The following ZFHX4 variants were observed in gnomAD, a reference collection of about 807,000 sequenced individuals.
ZFHX4 encodes the protein zinc finger homeobox 4.
Under a neutral mutation model 267.6 loss-of-function variants are expected in ZFHX4, and 56 were observed. The observed-to-expected ratio is 0.21, with a 90% confidence interval of 0.17 to 0.26. The LOEUF is 0.26. Ranked by LOEUF, ZFHX4 falls within the 10% of genes least tolerant of loss-of-function variation. The pLI is 1.00. For missense variants in ZFHX4, 4,332 were observed against 4,420.0 expected, an observed-to-expected ratio of 0.98 and a Z score of 0.56; for synonymous variants, 1,778 against 1,665.6, an observed-to-expected ratio of 1.07 and a Z score of -1.64.
chr8:76,775,493 A>C (rs1203450654), intron 3 of ZFHX4, among the ~76,000 whole-genome samples: 1 of 152,212 alleles, frequency 6.6e-6, no homozygotes, highest in Non-Finnish European at 1.5e-5. Context: ...TTAAAACTTA[A>C]GACATTTCAA....
intron 1 of ZFHX4, among the ~76,000 whole-genome samples, chr8:76,695,915 C>G (rs529031818): frequency 2.6e-5 from 4 of 152,292 alleles, no homozygotes; most frequent in African/African-American, 7.2e-5. Flanking sequence ...ATGCTGAAAC[C>G]TGATCAACAT....
Position 76,866,107 on chromosome 8 carries a change from G to A in ZFHX4, c.*1542G>A, listed in dbSNP as rs759685674. 12 of 152,624 alleles carry A rather than the reference G, an allele frequency of 7.9e-5. No homozygotes were observed. The highest frequency in any genetic ancestry group is 1.5e-4 in the Non-Finnish European group (10 of 68,038). 9.5% of individuals were successfully genotyped at this position (152,624 alleles called of 1,614,324 possible). The stretch of plus-strand genomic sequence containing the variant: ...TTTGTGTTTGATATAGTAAAACAAT[G>A]TGATTCATTCCAAAGTAACAGAAGG... On this transcript the variant is annotated 3_prime_UTR_variant, in exon 11 of 11. Coordinates refer to ENST00000651372, the MANE Select transcript of ZFHX4 (RefSeq NM_024721.5).
chr8:76,734,625 C>T (rs750889419), intron 3 of ZFHX4, among the ~76,000 whole-genome samples: 1 of 152,116 alleles, frequency 6.6e-6, no homozygotes, highest in Non-Finnish European at 1.5e-5. Context: ...ATCACTGGAT[C>T]ATTTGCAGTG....
chr8:76,753,357 A>G (rs116703565), intron 3 of ZFHX4, among the ~76,000 whole-genome samples: 344 of 152,256 alleles, frequency 2.3e-3, no homozygotes, highest in African/African-American at 7.8e-3. Flanking sequence ...CCAATTAGCA[A>G]ATTCTGTGTC....
intron 9 of ZFHX4, among the ~76,000 whole-genome samples, chr8:76,850,631 G>T (rs1812489110): frequency 6.6e-6 from 1 of 152,148 alleles, no homozygotes; most frequent in African/African-American, 2.4e-5. Flanking sequence ...CACACTAATT[G>T]CAGCAAGCTC....
rs879944587 is a variant in ZFHX4 at position 76,718,463 on chromosome 8, A to C, written c.3093+10415A>C. 1.2e-3 allele frequency among the ~76,000 whole-genome samples: 181 copies of C among 152,240 alleles called. 1 individual carries two copies. The highest frequency in any genetic ancestry group is 2.0e-3 in the Non-Finnish European group (134 of 67,998). On this transcript the variant is annotated intron_variant, in intron 3 of 10. Transcript: ENST00000651372. ...ATTAGAAAATTAGGTAATTTAAAAAACCCGCACATTTGGATGGAATAGAAG... is the reference window on the plus strand; with the variant it reads ...ATTAGAAAATTAGGTAATTTAAAAACCCCGCACATTTGGATGGAATAGAAG...
At chr8:76,730,902 A>C (rs1808992262) in intron 3 of ZFHX4, among the ~76,000 whole-genome samples, 1 of 152,132 alleles carries the variant, frequency 6.6e-6, no homozygotes, top group Non-Finnish European at 1.5e-5. Context: ...CCATTGTCTC[A>C]TTCGATCCTC....
chr8:76,861,604 G>A (rs1337241622), intron 10 of ZFHX4, among the ~76,000 whole-genome samples: 2 of 151,904 alleles, frequency 1.3e-5, no homozygotes, highest in African/African-American at 4.8e-5. Context: ...AAGGATAAGG[G>A]TCAAGGAAGG....
At position 76,851,863 on chromosome 8, in the gene ZFHX4, G is replaced by A. The variant is rs185006334; in HGVS notation, c.4942G>A (p.Gly1648Arg). The change falls in exon 10 of 11, where the codon GGG (glycine) becomes AGG (arginine). Residue 1648 changes from glycine (G) to arginine (R), a missense_variant. Coordinates refer to ENST00000651372, the MANE Select transcript of ZFHX4 (RefSeq NM_024721.5). ...AGCAAATGTCAACAGCCCTGGCCAG[G>A]GGATGTTAGATTCCATGAGTTTAGC... Reference protein sequence around the residue: ...IAANVNSPGQGMLDSMSLAAV... With the variant: ...IAANVNSPGQRMLDSMSLAAV... 44 of 1,613,770 alleles carry A rather than the reference G, an allele frequency of 2.7e-5. No individual in the cohort carries two copies. Among genetic ancestry groups the A allele is most frequent in the Admixed American group, 1.2e-4 (7 of 60,006 alleles).
In ZFHX4 at chr8:76,849,088, G is replaced by T; in HGVS notation, c.3605G>T (p.Arg1202Met). ...AAAGAAGAGGATGTTGCAACAAAAA[G>T]GTCAAAACCTACAGAGGACAATAAA... ...LAKEEDVATK[R>M]SKPTEDNKFC... is the part of the protein sequence containing the mutation. Residue 1202 changes from arginine to methionine, a missense_variant, in exon 7 of 11, where the codon AGG (arginine) becomes ATG (methionine). Arg to Met is a moderately conservative substitution (Grantham distance 91, BLOSUM62 -1). Transcript: ENST00000651372. The T allele has an allele frequency of 6.4e-7, 1 of 1,567,764 alleles. No homozygotes were observed. Among genetic ancestry groups the T allele is most frequent in the Non-Finnish European group, 8.7e-7 (1 of 1,155,834 alleles).
chr8:76,726,109 A>G (rs926943743), intron 3 of ZFHX4, among the ~76,000 whole-genome samples: 8 of 152,312 alleles, frequency 5.3e-5, no homozygotes, highest in Non-Finnish European at 8.8e-5. Flanking sequence ...TCATTATGCA[A>G]AAAATCTCAT....
intron 4 of ZFHX4, among the ~76,000 whole-genome samples, chr8:76,821,979 CTCTA>C (rs1811660640): frequency 6.6e-6 from 1 of 151,964 alleles, no homozygotes; most frequent in Admixed American, 6.6e-5. Context: ...CTCTCTGTTT[CTCTA>C]TCTCTCTCTC....
chr8:76,792,191 A>C (rs1171926328), intron 4 of ZFHX4, among the ~76,000 whole-genome samples: 2 of 152,172 alleles, frequency 1.3e-5, no homozygotes, highest in Non-Finnish European at 2.9e-5. Flanking sequence ...TAACAGCAAC[A>C]AAAAATTCTG....
chr8:76,812,181 C>A (rs1811395043), intron 4 of ZFHX4, among the ~76,000 whole-genome samples: 1 of 152,112 alleles, frequency 6.6e-6, no homozygotes, highest in Non-Finnish European at 1.5e-5. Flanking sequence ...TTGTACGTTG[C>A]TTTTTGGTAT....
intron 4 of ZFHX4, among the ~76,000 whole-genome samples, chr8:76,781,636 CTT>C (rs769665819): frequency 3.9e-5 from 6 of 152,112 alleles, no homozygotes; most frequent in Non-Finnish European, 7.4e-5. Flanking sequence ...CAGAATATAT[CTT>C]AAACATAAGC....
chr8:76,776,134 TG>T (rs1810395125), intron 3 of ZFHX4, among the ~76,000 whole-genome samples: 1 of 151,942 alleles, frequency 6.6e-6, no homozygotes, highest in South Asian at 2.1e-4. Flanking sequence ...CCAGTAGGTG[TG>T]GAAAGGAGGC....
At position 76,797,855 on chromosome 8, in the gene ZFHX4, T is replaced by A. The variant is rs558615622; in HGVS notation, c.3325+19416T>A. 8.6e-5 allele frequency among the ~76,000 whole-genome samples: 13 copies of A among 151,778 alleles called. No homozygotes were observed. The South Asian group carries it at 2.5e-3, about 29-fold the overall frequency. On this transcript the variant is annotated intron_variant, in intron 4 of 10. Coordinates refer to ENST00000651372, the MANE Select transcript of ZFHX4 (RefSeq NM_024721.5). ...GTTTTACTAAACGTTTGACCTGGTA[T>A]AATTTGTGGAGTTTTGGGGTGTGTG...
chr8:76,691,661 T>A (rs1414733826), intron 1 of ZFHX4, among the ~76,000 whole-genome samples: 1 of 152,172 alleles, frequency 6.6e-6, no homozygotes, highest in Non-Finnish European at 1.5e-5. Context: ...GATACCTGGA[T>A]TACATTTCTG....
At chr8:76,742,102 G>A (rs1156574728) in intron 3 of ZFHX4, among the ~76,000 whole-genome samples, 2 of 152,152 alleles carry the variant, frequency 1.3e-5, no homozygotes, top group African/African-American at 4.8e-5. Flanking sequence ...GGATAAATGA[G>A]GATGTACAAG....
Sources: gnomAD v4.1 joint callset for allele counts (sites outside exome capture counted in the v4.1 genomes callset) on GRCh38, gnomAD v4.1.1 for gene constraint, MANE v1.5 for transcripts, NCBI Gene and HGNC (gene_info 2026-07-23, HGNC 2026-07-21) for gene names.